The following PRDM15 variants were observed in gnomAD, a reference collection of about 807,000 sequenced individuals.
The protein encoded by PRDM15 is PR domain zinc finger protein 15.
PRDM15 carries 64 observed loss-of-function variants against 128.6 expected under a neutral mutation model. The ratio of observed to expected loss-of-function variants is 0.50; its 90% CI spans 0.41 to 0.61. The LOEUF is 0.61. Among genes scored for constraint, PRDM15 ranks in the 20% least tolerant of loss-of-function variants. The pLI is 0.00. For missense variants in PRDM15, 1,242 were observed against 1,569.1 expected (o/e 0.79, Z 3.52); for synonymous variants, 615 against 621.8 (o/e 0.99, Z 0.16).
At chr21:41,822,475 G>A (rs888772630) in intron 14 of PRDM15, among the ~76,000 whole-genome samples, 1 of 152,382 alleles carries the variant, frequency 6.6e-6, no homozygotes, top group South Asian at 2.1e-4. Flanking sequence ...GGACACAGAT[G>A]CCAGCACCGG....
chr21:41,860,611 C>T (rs1228674409), intron 1 of PRDM15, among the ~76,000 whole-genome samples: 3 of 152,016 alleles, frequency 2.0e-5, no homozygotes, highest in African/African-American at 4.8e-5. Context: ...TTAGCAGAGA[C>T]GGGGTTTCAC....
chr21:41,817,100 T>G (rs1027463136), intron 18 of PRDM15, among the ~76,000 whole-genome samples: 13 of 152,126 alleles, frequency 8.5e-5, no homozygotes, highest in Admixed American at 3.3e-4. Flanking sequence ...TTTCTTCCAT[T>G]TAACAAAGAA....
chr21:41,843,950 TAAAAAAAAAAAAAA>T (rs1555883669), intron 6 of PRDM15, among the ~76,000 whole-genome samples: 24 of 123,294 alleles, frequency 1.9e-4, no homozygotes, highest in African/African-American at 7.2e-4. Flanking sequence ...CCTTGTATTG[TAAAAAAAAAAAAAA>T]AAAAAAAGAA....
chr21:41,836,674 G>A, intron 8 of PRDM15, 25 bp from the exon 9 acceptor site: 1 of 1,567,064 alleles, frequency 6.4e-7, no homozygotes, highest in Non-Finnish European at 8.7e-7. Context: ...CAATAAGTTG[G>A]GAAAAGACAG....
At chr21:41,826,138 C>A in intron 12 of PRDM15, 84 bp from the exon 13 acceptor site, 1 of 1,157,274 alleles carries the variant, frequency 8.6e-7, no homozygotes, top group Non-Finnish European at 1.3e-6. Flanking sequence ...AGCCAGCATC[C>A]TTTCCAGCGC....
At chr21:41,836,388 GGA>G (rs1323579738) in intron 9 of PRDM15, 78 bp downstream of exon 9, 3 of 1,452,762 alleles carry the variant, frequency 2.1e-6, no homozygotes, top group Admixed American at 1.9e-5. Flanking sequence ...CCCAAGGAGG[GGA>G]GACTCCGTGC....
intron 11 of PRDM15, chr21:41,834,576 G>A (rs1470996810): frequency 6.5e-7 from 1 of 1,547,444 alleles, no homozygotes; most frequent in Admixed American, 2.0e-5. Flanking sequence ...TAGAGAGAGG[G>A]GGACACAAAG....
In PRDM15 at chr21:41,834,674, G is replaced by C. The variant is rs28532851; in HGVS notation, c.1366+763C>G. 1.4e-3 allele frequency: 1,056 copies of C among 770,560 alleles called. 7 individuals carry two copies. The highest frequency in any genetic ancestry group is 2.2e-3 in the South Asian group (143 of 63,964). 47.7% of individuals were successfully genotyped at this position (770,560 alleles called of 1,614,324 possible). On this transcript the variant is annotated intron_variant, in intron 11 of 23. Transcript: ENST00000398548. ...ACCCACCACTGGGAATGGGGAAGGT[G>C]TGACTCCCACATCCCAGAGGGTGCA...
At chr21:41,852,022 T>C (rs1274948977) in intron 5 of PRDM15, among the ~76,000 whole-genome samples, 1 of 152,174 alleles carries the variant, frequency 6.6e-6, no homozygotes, top group Non-Finnish European at 1.5e-5. Flanking sequence ...TAGGGAGGAA[T>C]GGGAATTACC....
chr21:41,861,815 G>A, intron 1 of PRDM15: 3 of 1,587,464 alleles, frequency 1.9e-6, no homozygotes, highest in Non-Finnish European at 2.6e-6. Flanking sequence ...AGGAAGTGAG[G>A]CAGAGGAAAG....
intron 21 of PRDM15, among the ~76,000 whole-genome samples, chr21:41,806,861 TACC>T (rs1418464334): frequency 7.1e-6 from 1 of 140,498 alleles, no homozygotes; most frequent in East Asian, 2.3e-4. Context: ...CCATCACCAC[TACC>T]ACCGCCATCA....
rs372086995 is a variant in PRDM15, at chr21:41,799,244, G to A, written c.*1996C>T. ...CGAGGTCATTTGCCCTTTAGATTCT[G>A]CAAAGGCAAAAAGAAATCGATACTG... On this transcript the variant is annotated 3_prime_UTR_variant, in exon 24 of 24. Coordinates refer to ENST00000398548, the MANE Select transcript of PRDM15 (RefSeq NM_001040424.3). The A allele has an allele frequency of 5.9e-5, 9 of 152,132 alleles. No homozygotes were observed. The highest frequency in any genetic ancestry group is 5.8e-4 in the East Asian group (3 of 5,198). 9.4% of individuals were successfully genotyped at this position (152,132 alleles called of 1,614,324 possible).
Position 41,839,803 on chromosome 21 carries a change from G to C in PRDM15, c.691C>G (p.Gln231Glu), listed in dbSNP as rs1202184408. The change falls in exon 7 of 24, where the codon CAA (glutamine) becomes GAA (glutamate). Residue 231 changes from glutamine to glutamate, a missense_variant. By Grantham distance (29) the Gln-to-Glu change is conservative (BLOSUM62 2). Around this residue, in one of 3 missense-constraint regions of PRDM15, gnomAD observed 612 missense variants for 717.0 expected, o/e 0.85. Coordinates refer to ENST00000398548, the MANE Select transcript of PRDM15 (RefSeq NM_001040424.3). ...TTCTCGGGAGCTGCTGCCTCGCTTT[G>C]GCTGCCTGGAGGAAGGCTTTTGGCT... Reference protein sequence around the residue: ...EQAKSLPPGSQSEAAAPEKEQ... With the variant: ...EQAKSLPPGSESEAAAPEKEQ... 2 of 1,614,242 alleles carry C rather than the reference G, an allele frequency of 1.2e-6. No individual in the cohort carries two copies. The highest frequency in any genetic ancestry group is 8.5e-7 in the Non-Finnish European group (1 of 1,180,050).
Position 41,810,619 on chromosome 21 carries a change from G to A in PRDM15, c.2476+134C>T, listed in dbSNP as rs533306230. 3.1e-4 allele frequency: 225 copies of A among 727,512 alleles called. 1 individual carries two copies. The South Asian group carries it at 3.6e-3, about 12-fold the overall frequency. The allele number at this position is 727,512 out of a possible 1,614,324, so 45.1% of individuals were successfully genotyped here. ...CCTTCAGAGGCCAAGGGGCCACCAT[G>A]AAGCCAAGACAACACTAAATGTGCT... On this transcript the variant is annotated intron_variant, in intron 20 of 23. Coordinates refer to ENST00000398548, the MANE Select transcript of PRDM15 (RefSeq NM_001040424.3). This position sits in a 1 kb window ranked among gnomAD's most constrained non-coding sequence, Gnocchi z 6.4.
intron 7 of PRDM15, 148 bp from the exon 8 acceptor site, chr21:41,838,211 A>C (rs2062959793): frequency 1.9e-5 from 15 of 795,984 alleles, no homozygotes; most frequent in Non-Finnish European, 2.0e-6. Context: ...GAAAAAAAAA[A>C]CTGTCAATAT....
At chr21:41,849,062 T>C (rs980935954) in intron 5 of PRDM15, among the ~76,000 whole-genome samples, 1 of 151,956 alleles carries the variant, frequency 6.6e-6, no homozygotes, top group Admixed American at 6.6e-5. Flanking sequence ...AAGTAAGCAG[T>C]AAGATGGGAG....
chr21:41,821,962 C>G lies in PRDM15; in HGVS notation c.1837G>C (p.Asp613His), dbSNP rs749977245. Reference sequence around the variant, plus strand: ...GAGTCTGCGCTCTCGTCAGAATTGTCATCGTTTTCTTCCGAGGAGATCCCG... The same window carrying G: ...GAGTCTGCGCTCTCGTCAGAATTGTGATCGTTTTCTTCCGAGGAGATCCCG... ...KIGISSEEND[D>H]NSDESADSEP... is the part of the protein sequence containing the mutation. The change falls in exon 15 of 24, where the codon GAC becomes CAC. Residue 613 changes from aspartate to histidine, a missense_variant. This residue lies in a region of PRDM15 where 602 missense variants were observed against 788.3 expected (regional missense o/e 0.76). Coordinates refer to ENST00000398548, the MANE Select transcript of PRDM15 (RefSeq NM_001040424.3). The surrounding 1 kb of genome is among the most constrained non-coding windows in gnomAD (Gnocchi z 5.4). 6.2e-7 allele frequency: 1 copy of G among 1,614,226 alleles called. No individual in the cohort carries two copies. The highest frequency in any genetic ancestry group is 8.5e-7 in the Non-Finnish European group (1 of 1,180,050).
chr21:41,828,251 G>C lies in PRDM15; in HGVS notation c.1449C>G (p.Gly483=). The change falls in exon 12 of 24, where the codon GGC becomes GGG. Residue 483 remains glycine (G), a synonymous_variant. Coordinates refer to ENST00000398548, the MANE Select transcript of PRDM15 (RefSeq NM_001040424.3). This position sits in a 1 kb window ranked among gnomAD's most constrained non-coding sequence, Gnocchi z 5.7. The part of the protein sequence containing the change: ...SNLSKHKKKH[G]DKKFACEVCS... ...AGACCTCACAGGCAAACTTCTTGTCGCCGTGCTTCTTCTTGTGCTTGGAGA... is the reference window on the plus strand; with the variant it reads ...AGACCTCACAGGCAAACTTCTTGTCCCCGTGCTTCTTCTTGTGCTTGGAGA... 1 of 1,614,010 alleles carries C rather than the reference G, an allele frequency of 6.2e-7. No homozygotes were observed. Among genetic ancestry groups the C allele is most frequent in the Non-Finnish European group, 8.5e-7 (1 of 1,179,980 alleles).
chr21:41,801,454 T>C lies in PRDM15; in HGVS notation c.3212A>G (p.Asn1071Ser), dbSNP rs762085177. Residue 1071 changes from asparagine to serine, a missense_variant, in exon 24 of 24, where the codon AAC (asparagine) becomes AGC (serine). Asn to Ser is a conservative substitution (Grantham distance 46, BLOSUM62 1). Transcript: ENST00000398548. ...GATGAAATGGGCCACAGACTGTGGG[T>C]TCGAGGCTTCCGGCTGGGGGTGGAT... ...VQIHPQPEASNPQSVAHFINL... is the reference protein window; with the variant it reads ...VQIHPQPEASSPQSVAHFINL... 1.2e-6 allele frequency: 2 copies of C among 1,614,164 alleles called. No homozygotes were observed. The highest frequency in any genetic ancestry group is 4.5e-5 in the East Asian group (2 of 44,868).
Sources: gnomAD v4.1 joint callset for allele counts (sites outside exome capture counted in the v4.1 genomes callset) on GRCh38, gnomAD v4.1.1 for gene constraint, gnomAD v4.1.1 regional missense constraint, Gnocchi (gnomAD v3.1) non-coding constraint, MANE v1.5 for transcripts, NCBI Gene and HGNC (gene_info 2026-07-23, HGNC 2026-07-21) for gene names.